BRSK2: variants seen among roughly 807,000 people sequenced by gnomAD.
BRSK2 encodes serine/threonine-protein kinase BRSK2.
Under a neutral mutation model 83.3 loss-of-function variants are expected in BRSK2, and 19 were observed. The ratio of observed to expected loss-of-function variants is 0.23; its 90% confidence interval spans 0.16 to 0.33. The LOEUF is 0.33. Ranked by LOEUF, BRSK2 falls within the 10% of genes least tolerant of loss-of-function variation. The pLI is 1.00. For synonymous variants in BRSK2, 519 were observed against 435.4 expected, an observed-to-expected ratio of 1.19 and a Z score of -2.39; for missense variants, 798 against 1,042.3, an observed-to-expected ratio of 0.77 and a Z score of 3.23.
In BRSK2 at chr11:1,461,259, G is replaced by T; in HGVS notation, c.*536G>T. ...GTGGCCTTCTGGGGCCAGGACCCCT[G>T]GTGGGCAACGTAGCCACAGGAACAG... On this transcript the variant is annotated 3_prime_UTR_variant, in exon 20 of 20. Coordinates refer to ENST00000528841, the MANE Select transcript of BRSK2 (RefSeq NM_001256627.2). 3.7e-6 allele frequency: 2 copies of T among 534,622 alleles called. 1 individual carries two copies. Among genetic ancestry groups the T allele is most frequent in the South Asian group, 4.4e-5 (2 of 45,002 alleles). The allele number at this position is 534,622 out of a possible 1,614,324, so 33.1% of individuals were successfully genotyped here.
At chr11:1,394,968 A>G (rs546186340) in intron 1 of BRSK2, among the ~76,000 whole-genome samples, 4 of 148,066 alleles carry the variant, frequency 2.7e-5, no homozygotes, top group Admixed American at 2.0e-4. Flanking sequence ...GCCCCTGGAG[A>G]TGGGCCATGG....
At chr11:1,447,996 G>A (rs1017445877) in intron 12 of BRSK2, 50 of 904,972 alleles carry the variant, frequency 5.5e-5, no homozygotes, top group Non-Finnish European at 7.8e-5. Context: ...AAGCCAGCCA[G>A]CAAGCCAGGC....
intron 1 of BRSK2, among the ~76,000 whole-genome samples, chr11:1,427,070 G>A (rs577220085): frequency 3.6e-4 from 55 of 152,288 alleles, no homozygotes; most frequent in African/African-American, 1.3e-3. Context: ...CCAAACTAAA[G>A]AGCAGCCCGT....
chr11:1,460,423 T>TGGGG, intron 19 of BRSK2, 77 bp from the exon 20 acceptor site: 2 of 922,382 alleles, frequency 2.2e-6, no homozygotes, highest in Non-Finnish European at 2.9e-6. Flanking sequence ...TCTCCTTCCC[T>TGGGG]CCCCTCCTCT....
intron 1 of BRSK2, among the ~76,000 whole-genome samples, chr11:1,414,555 T>C (rs1233185721): frequency 6.6e-6 from 1 of 152,256 alleles, no homozygotes; most frequent in African/African-American, 2.4e-5. Context: ...GCATGTATTT[T>C]ATCACTGACA....
chr11:1,414,607 A>G (rs1847897463), intron 1 of BRSK2, among the ~76,000 whole-genome samples: 1 of 152,224 alleles, frequency 6.6e-6, no homozygotes, highest in African/African-American at 2.4e-5. Flanking sequence ...GAATTTTTTT[A>G]ATTAAAATGA....
intron 1 of BRSK2, 65 bp from the exon 2 acceptor site, chr11:1,435,975 G>T (rs1393929150): frequency 1.6e-6 from 2 of 1,287,462 alleles, no homozygotes; most frequent in Non-Finnish European, 2.2e-6. Flanking sequence ...AACCTGCACT[G>T]TCCGGCTGGG....
At chr11:1,392,710 C>G (rs1845802695) in intron 1 of BRSK2, among the ~76,000 whole-genome samples, 1 of 152,220 alleles carries the variant, frequency 6.6e-6, no homozygotes. Flanking sequence ...CTGGAGGACG[C>G]CCTTCTAGAC....
rs1846273136 is a variant in BRSK2, at chr11:1,454,785, C to T, written c.1668+177C>T. Reference sequence around the variant, plus strand: ...GGACAGGCGCTCTCTCCTGCCCACCCTCGTGAGGGAGGGGTCACTGCCCAT... The same window carrying T: ...GGACAGGCGCTCTCTCCTGCCCACCTTCGTGAGGGAGGGGTCACTGCCCAT... On this transcript the variant is annotated intron_variant, in intron 16 of 19. Transcript: ENST00000528841. This position sits in a 1 kb window ranked among gnomAD's most constrained non-coding sequence, Gnocchi z 5.2. Among the ~76,000 whole-genome samples the T allele has an allele frequency of 6.6e-6, 1 of 152,208 alleles. No homozygotes were observed. The highest frequency in any genetic ancestry group is 2.4e-5 in the African/African-American group (1 of 41,454).
chr11:1,429,188 C>T (rs528839046), intron 1 of BRSK2, among the ~76,000 whole-genome samples: 22 of 137,178 alleles, frequency 1.6e-4, no homozygotes, highest in Middle Eastern at 6.4e-3. Flanking sequence ...GGTGCATGCG[C>T]GTGTGCATGG....
chr11:1,410,819 C>T, intron 1 of BRSK2: 1 of 968,550 alleles, frequency 1.0e-6, no homozygotes, highest in Non-Finnish European at 1.2e-6. Flanking sequence ...GCAGGCACAG[C>T]AGGGCACCAC....
At chr11:1,428,746 G>T (rs1849534575) in intron 1 of BRSK2, among the ~76,000 whole-genome samples, 1 of 152,228 alleles carries the variant, frequency 6.6e-6, no homozygotes. Flanking sequence ...ACGTATGTGT[G>T]CATGATGGTA....
At chr11:1,449,958 G>A (rs1297141842) in intron 13 of BRSK2, 122 bp downstream of exon 13, 1 of 664,120 alleles carries the variant, frequency 1.5e-6, no homozygotes. Context: ...CGCCCCCCAT[G>A]CCCACGCTCC....
chr11:1,396,802 A>G (rs967629562), intron 1 of BRSK2, among the ~76,000 whole-genome samples: 1 of 152,134 alleles, frequency 6.6e-6, no homozygotes, highest in African/African-American at 2.4e-5. Flanking sequence ...GCATCCACCT[A>G]TGTGGGGCTG....
At chr11:1,448,834 C>T (rs1052562517) in intron 12 of BRSK2, among the ~76,000 whole-genome samples, 13 of 152,324 alleles carry the variant, frequency 8.5e-5, no homozygotes, top group Admixed American at 2.6e-4. Context: ...CCCGGGTGTC[C>T]GGGAGCCAGG....
chr11:1,453,273 G>A (rs1024500165), intron 15 of BRSK2, among the ~76,000 whole-genome samples: 1 of 152,256 alleles, frequency 6.6e-6, no homozygotes. Flanking sequence ...TCGTCGGCCT[G>A]GCCTCCCTGG....
intron 12 of BRSK2, 79 bp from the exon 13 acceptor site, chr11:1,449,697 C>A: frequency 7.6e-7 from 1 of 1,318,588 alleles, no homozygotes; most frequent in East Asian, 2.5e-5. Context: ...GGAGGGTTTA[C>A]CTGGGGGGAG....
chr11:1,438,449 G>T lies in BRSK2; in HGVS notation c.272+58G>T. On this transcript the variant is annotated intron_variant, in intron 3 of 19. Transcript: ENST00000528841. The surrounding 1 kb of genome is among the most constrained non-coding windows in gnomAD (Gnocchi z 6.4). Reference sequence around the variant, plus strand: ...GCGGAGGTGGCAGCTGTCGCTGCAGGGGTGGGTGTCTGGGGCTTGGGGAGC... The same window carrying T: ...GCGGAGGTGGCAGCTGTCGCTGCAGTGGTGGGTGTCTGGGGCTTGGGGAGC... 6.6e-7 allele frequency: 1 copy of T among 1,525,414 alleles called. No individual in the cohort carries two copies. The highest frequency in any genetic ancestry group is 1.4e-5 in the African/African-American group (1 of 73,260). The allele number at this position is 1,525,414 out of a possible 1,614,324, so 94.5% of individuals were successfully genotyped here. A position where few individuals can be genotyped will look rare whatever the true frequency, so the allele number is the denominator to read the frequency against.
chr11:1,450,085 A>C (rs1287019747), intron 13 of BRSK2, among the ~76,000 whole-genome samples: 1 of 151,758 alleles, frequency 6.6e-6, no homozygotes, highest in Non-Finnish European at 1.5e-5. Context: ...CCTCCTGCCC[A>C]TGCCTGCCTG....
Sources: allele counts gnomAD v4.1 joint callset (sites outside exome capture counted in the v4.1 genomes callset), GRCh38; gene constraint gnomAD v4.1.1; non-coding constraint Gnocchi (gnomAD v3.1); transcripts MANE v1.5; gene names NCBI Gene and HGNC (gene_info 2026-07-23, HGNC 2026-07-21).